The following NFX1 variants were observed in gnomAD, a reference collection of about 807,000 sequenced individuals.
The protein encoded by NFX1 is transcriptional repressor NF-X1.
NFX1 carries 69 observed loss-of-function variants against 137.2 expected under a neutral mutation model. That is an observed-to-expected ratio of 0.50 (90% CI 0.41 to 0.61). The LOEUF is 0.61. NFX1 is among the 20% of genes least tolerant of loss of function. The probability of loss-of-function intolerance (pLI) is 0.00; values close to 1 mark genes in which losing one functional copy is unlikely to be tolerated. For synonymous variants in NFX1, 495 were observed against 474.1 expected, an observed-to-expected ratio of 1.04 and a Z score of -0.57; for missense variants, 1,167 against 1,391.0, an observed-to-expected ratio of 0.84 and a Z score of 2.56.
At chr9:33,337,146 C>T (rs1200385415) in intron 11 of NFX1, among the ~76,000 whole-genome samples, 3 of 152,096 alleles carry the variant, frequency 2.0e-5, no homozygotes, top group East Asian at 1.9e-4. Context: ...CTTAAATTTT[C>T]GATAGAAACA....
chr9:33,338,558 G>A lies in NFX1; in HGVS notation c.2084G>A (p.Gly695Glu), dbSNP rs767328490. Residue 695 changes from glycine to glutamate, a missense_variant, in exon 12 of 24, where the codon GGA becomes GAA. Gly to Glu is a moderately conservative substitution (Grantham distance 98). Transcript: ENST00000379540. ...CGGTGTAACAAGAAACGGTTGTGTG[G>A]ACGGCATAAATGTAATGAGATATGC... ...DKRCNKKRLC[G>E]RHKCNEICCV... 1 of 1,602,162 alleles carries A rather than the reference G, an allele frequency of 6.2e-7. No homozygotes were observed. The highest frequency in any genetic ancestry group is 8.5e-7 in the Non-Finnish European group (1 of 1,176,738).
intron 19 of NFX1, 148 bp from the exon 20 acceptor site, chr9:33,363,862 T>C (rs535870048): frequency 8.5e-5 from 40 of 469,058 alleles, no homozygotes; most frequent in Non-Finnish European, 1.1e-4. Context: ...ATGTCCCAAG[T>C]TGTTGTTATT....
chr9:33,363,675 TG>T (rs1403762775), intron 19 of NFX1, among the ~76,000 whole-genome samples: 1 of 152,210 alleles, frequency 6.6e-6, no homozygotes, highest in African/African-American at 2.4e-5. Flanking sequence ...GTCTATTTTA[TG>T]TACCTTATCT....
At chr9:33,298,535 T>C (rs1821440256) in intron 2 of NFX1, among the ~76,000 whole-genome samples, 1 of 152,186 alleles carries the variant, frequency 6.6e-6, no homozygotes, top group Non-Finnish European at 1.5e-5. Context: ...CCCAGCACTT[T>C]GGAAGGCCAA....
At chr9:33,291,471 G>A (rs1354260049) in intron 1 of NFX1, among the ~76,000 whole-genome samples, 1 of 152,244 alleles carries the variant, frequency 6.6e-6, no homozygotes, top group Non-Finnish European at 1.5e-5. Context: ...CAGGGCAGCA[G>A]TTTGCAGAAT....
At chr9:33,337,388 TAAGAGACTTC>T (rs1335890494) in intron 11 of NFX1, among the ~76,000 whole-genome samples, 5 of 152,212 alleles carry the variant, frequency 3.3e-5, no homozygotes, top group Non-Finnish European at 7.3e-5. Context: ...CCATTTTGTA[TAAGAGACTTC>T]AATATCTGTG....
intron 19 of NFX1, among the ~76,000 whole-genome samples, chr9:33,358,185 TGTGATCTCG>T (rs911054756): frequency 1.3e-5 from 2 of 151,728 alleles, no homozygotes; most frequent in Non-Finnish European, 2.9e-5. Context: ...AGTGCAATGG[TGTGATCTCG>T]GCTCACTGCA....
At chr9:33,303,909 G>A (rs1587822327) in intron 4 of NFX1, among the ~76,000 whole-genome samples, 1 of 151,838 alleles carries the variant, frequency 6.6e-6, no homozygotes, top group East Asian at 1.9e-4. Flanking sequence ...TTTACTGTCT[G>A]TCTCCCTCCC....
intron 9 of NFX1, among the ~76,000 whole-genome samples, 189 bp from the exon 10 acceptor site, chr9:33,328,392 G>A (rs1027937913): frequency 3.9e-5 from 6 of 152,106 alleles, no homozygotes; most frequent in Non-Finnish European, 8.8e-5. Context: ...GGGCCCTGAA[G>A]TTGTCAGAAA....
intron 9 of NFX1, among the ~76,000 whole-genome samples, chr9:33,322,498 G>A (rs1822424080): frequency 6.6e-6 from 1 of 152,266 alleles, no homozygotes; most frequent in Middle Eastern, 3.4e-3. Flanking sequence ...AAGTTGAAGA[G>A]GCTGAAATTC....
At chr9:33,332,672 A>G in intron 11 of NFX1, 170 bp downstream of exon 11, 2 of 533,132 alleles carry the variant, frequency 3.8e-6, no homozygotes, top group East Asian at 3.1e-5. Context: ...ATTCTAATTG[A>G]TGAAATGCTG....
At chr9:33,310,375 C>T (rs1821919626) in intron 5 of NFX1, among the ~76,000 whole-genome samples, 1 of 152,096 alleles carries the variant, frequency 6.6e-6, no homozygotes, top group Non-Finnish European at 1.5e-5. Flanking sequence ...ATTTCTGTAC[C>T]ACTGTGTAAT....
chr9:33,337,285 A>G (rs1483742933), intron 11 of NFX1, among the ~76,000 whole-genome samples: 1 of 152,232 alleles, frequency 6.6e-6, no homozygotes, highest in Admixed American at 6.5e-5. Flanking sequence ...ATCATTTTCT[A>G]ATAGCATTTA....
rs1007876668 is a variant in NFX1 at position 33,338,599 on chromosome 9, C to T, written c.2115+10C>T. ...TGAGATATGCTGTGTGGTAAGTGGACTTATTAGGCATAATCAGATTCCATT... is the reference window on the plus strand; with the variant it reads ...TGAGATATGCTGTGTGGTAAGTGGATTTATTAGGCATAATCAGATTCCATT... On this transcript the variant is annotated intron_variant, in intron 12 of 23. Coordinates refer to ENST00000379540, the MANE Select transcript of NFX1 (RefSeq NM_002504.6). 21 of 1,580,850 alleles carry T rather than the reference C, an allele frequency of 1.3e-5. No individual in the cohort carries two copies. The highest frequency in any genetic ancestry group is 1.8e-5 in the Non-Finnish European group (21 of 1,167,736).
intron 1 of NFX1, among the ~76,000 whole-genome samples, chr9:33,293,559 G>T (rs1450857667): frequency 1.3e-5 from 2 of 152,234 alleles, no homozygotes; most frequent in East Asian, 1.9e-4. Flanking sequence ...AGTGATAAGT[G>T]ACTTAAACCC....
At chr9:33,362,474 A>T (rs916662561) in intron 19 of NFX1, among the ~76,000 whole-genome samples, 28 of 152,164 alleles carry the variant, frequency 1.8e-4, no homozygotes, top group African/African-American at 6.8e-4. Context: ...ACATGGATGG[A>T]CCTGGAGGAC....
chr9:33,297,304 AG>A (rs576599442), intron 2 of NFX1, among the ~76,000 whole-genome samples: 213 of 152,282 alleles, frequency 1.4e-3, no homozygotes, highest in Middle Eastern at 3.4e-3. Flanking sequence ...CCATCTACCC[AG>A]GGCCTGTTTT....
intron 11 of NFX1, among the ~76,000 whole-genome samples, chr9:33,336,456 C>T (rs1179866534): frequency 3.3e-5 from 5 of 152,088 alleles, no homozygotes; most frequent in Admixed American, 2.6e-4. Flanking sequence ...CCTCGTGATC[C>T]GCCTGCCTCA....
In NFX1 at chr9:33,342,792, G is replaced by A. The variant is rs1488142477; in HGVS notation, c.2162G>A (p.Cys721Tyr). 6.2e-7 allele frequency: 1 copy of A among 1,613,878 alleles called. No homozygotes were observed. Among genetic ancestry groups the A allele is most frequent in the African/African-American group, 1.3e-5 (1 of 75,062 alleles). ...TTGATTTGTGGGAGGAAACTCCGTT[G>A]TGGCCTTCATAGGTGTGAAGAACCT... ...CPLICGRKLR[C>Y]GLHRCEEPCH... Residue 721 changes from cysteine (C) to tyrosine (Y), a missense_variant, in exon 13 of 24, where the codon TGT (cysteine) becomes TAT (tyrosine). By Grantham distance (194) the Cys-to-Tyr change is radical (BLOSUM62 -2). Transcript: ENST00000379540.
Sources: allele counts gnomAD v4.1 joint callset (sites outside exome capture counted in the v4.1 genomes callset), GRCh38; gene constraint gnomAD v4.1.1; transcripts MANE v1.5; gene names NCBI Gene and HGNC (gene_info 2026-07-23, HGNC 2026-07-21).